The following TJP2 variants were observed in gnomAD, a reference collection of about 807,000 sequenced individuals.
TJP2 encodes the protein Friedreich ataxia region gene X104 (tight junction protein ZO-2).
In TJP2, 91 loss-of-function variants were observed where a neutral mutation model predicts 133.1. The observed-to-expected ratio is 0.68, with a 90% CI of 0.58 to 0.81. The LOEUF (loss-of-function observed/expected upper bound fraction) is 0.81. Ranked by LOEUF, TJP2 falls within the 40% of genes least tolerant of loss-of-function variation. The pLI is 0.00. For synonymous variants in TJP2, 592 were observed against 583.4 expected, an observed-to-expected ratio of 1.01 and a Z score of -0.21; for missense variants, 1,541 against 1,565.6, an observed-to-expected ratio of 0.98 and a Z score of 0.26.
At chr9:69,236,000 T>C (rs1563944999) in intron 12 of TJP2, 28 bp from the exon 13 acceptor site, 2 of 1,607,756 alleles carry the variant, frequency 1.2e-6, no homozygotes, top group Non-Finnish European at 1.7e-6. Context: ...CTAAGCTGAA[T>C]GCAACAAACG....
chr9:69,130,497 C>T (rs73647080), intron 1 of TJP2, among the ~76,000 whole-genome samples: 3,746 of 151,986 alleles, frequency 0.025, 159 homozygotes, highest in African/African-American at 0.085. Flanking sequence ...AGATCTGGGG[C>T]GGGGGCTCAA....
At chr9:69,251,459 G>A in intron 21 of TJP2, 95 bp downstream of exon 21, 1 of 1,346,548 alleles carries the variant, frequency 7.4e-7, no homozygotes, top group East Asian at 2.5e-5. Context: ...TGCTGCAGAT[G>A]TGGCAGGGAT....
At chr9:69,160,331 C>T (rs1332140865) in intron 2 of TJP2, among the ~76,000 whole-genome samples, 1 of 152,196 alleles carries the variant, frequency 6.6e-6, no homozygotes, top group Non-Finnish European at 1.5e-5. Flanking sequence ...AAGCTGAAAG[C>T]TCCCTACATT....
At chr9:69,165,857 A>G (rs1051093013) in intron 2 of TJP2, among the ~76,000 whole-genome samples, 2 of 152,176 alleles carry the variant, frequency 1.3e-5, no homozygotes, top group African/African-American at 4.8e-5. Flanking sequence ...CGTGTGCCAT[A>G]GGATGCTTCT....
intron 6 of TJP2, among the ~76,000 whole-genome samples, 194 bp from the exon 7 acceptor site, chr9:69,225,828 C>T (rs1414512382): frequency 6.6e-6 from 1 of 152,202 alleles, no homozygotes; most frequent in African/African-American, 2.4e-5. Flanking sequence ...GAGTAACTTA[C>T]ACCTGTATTT....
At chr9:69,195,041 A>G (rs1243239612) in intron 1 of TJP2, among the ~76,000 whole-genome samples, 2 of 152,322 alleles carry the variant, frequency 1.3e-5, no homozygotes, top group East Asian at 3.9e-4. Flanking sequence ...CTGGGAGGGA[A>G]CGATTGACCT....
intron 1 of TJP2, among the ~76,000 whole-genome samples, chr9:69,200,227 C>G (rs1287971221): frequency 6.6e-6 from 1 of 152,050 alleles, no homozygotes; most frequent in Non-Finnish European, 1.5e-5. Context: ...GCTGTTCCCT[C>G]TATGCAGAAT....
intron 2 of TJP2, among the ~76,000 whole-genome samples, chr9:69,214,339 G>A (rs754077022): frequency 1.2e-4 from 18 of 152,270 alleles, no homozygotes; most frequent in Non-Finnish European, 2.4e-4. Context: ...ACCCGCCTTG[G>A]CCTCCCGAAG....
intron 1 of TJP2, among the ~76,000 whole-genome samples, chr9:69,192,531 T>C (rs1206411175): frequency 6.6e-6 from 1 of 152,202 alleles, no homozygotes; most frequent in Non-Finnish European, 1.5e-5. Flanking sequence ...GCAAATGCTG[T>C]AGAAGTTCTT....
intron 17 of TJP2, among the ~76,000 whole-genome samples, chr9:69,245,584 A>T (rs1830865960): frequency 6.6e-6 from 1 of 152,192 alleles, no homozygotes. Context: ...GTGGTGGCTG[A>T]GACCATAGGC....
At chr9:69,150,832 A>G (rs1035486366) in intron 1 of TJP2, among the ~76,000 whole-genome samples, 12 of 152,240 alleles carry the variant, frequency 7.9e-5, no homozygotes, top group Non-Finnish European at 1.5e-5. Context: ...ACAAGTGTTC[A>G]TAATGACCAA....
intron 1 of TJP2, among the ~76,000 whole-genome samples, chr9:69,202,923 T>C (rs181758880): frequency 7.6e-4 from 116 of 152,322 alleles, no homozygotes; most frequent in Non-Finnish European, 1.1e-3. Context: ...TTATATATTC[T>C]TCAGCACAAT....
chr9:69,185,249 G>A (rs1587999220), intron 1 of TJP2, among the ~76,000 whole-genome samples: 1 of 151,906 alleles, frequency 6.6e-6, no homozygotes, highest in African/African-American at 2.4e-5. Context: ...TTTAGTAGAG[G>A]CAGGGTTTCA....
intron 1 of TJP2, among the ~76,000 whole-genome samples, chr9:69,206,585 T>A (rs3002384): frequency 0.51 from 77,215 of 151,302 alleles, 20,146 homozygotes; most frequent in East Asian, 0.63. Flanking sequence ...TTAATTTTTT[T>A]ATTTCTTTTT....
rs944476299 is a variant in TJP2 at position 69,246,585 on chromosome 9, A to G, written c.2567-105A>G. 1.1e-5 allele frequency: 11 copies of G among 967,274 alleles called. No homozygotes were observed. The East Asian group carries it at 1.8e-4, about 15-fold the overall frequency. 59.9% of individuals were successfully genotyped at this position (967,274 alleles called of 1,614,324 possible). A position where few individuals can be genotyped will look rare whatever the true frequency, so the allele number is the denominator to read the frequency against. On this transcript the variant is annotated intron_variant, in intron 17 of 22. Transcript: ENST00000377245. ...GTGCAAACATCTTCTTGCGTCTGCC[A>G]TAGTCTTAAATATCACAGAAATGAG...
rs1472343073 is a variant in TJP2 at position 69,221,225 on chromosome 9, C to T, written c.681C>T (p.His227=). Residue 227 remains histidine (H), a synonymous_variant, in exon 5 of 23, where the codon CAC becomes CAT. Coordinates refer to ENST00000377245, the MANE Select transcript of TJP2 (RefSeq NM_004817.4). ...RGRSLERGLD[H]DFGPSRDRDR... is the part of the protein sequence containing the mutation. ...GGAGCCTGGAGCGGGGCCTGGACCA[C>T]GACTTTGGGCCATCCCGGGACCGGG... is the stretch of plus-strand genomic sequence containing the variant. 6.2e-7 allele frequency: 1 copy of T among 1,605,408 alleles called. No homozygotes were observed. Among genetic ancestry groups the T allele is most frequent in the African/African-American group, 1.3e-5 (1 of 74,776 alleles).
intron 1 of TJP2, among the ~76,000 whole-genome samples, chr9:69,192,413 C>G (rs1027100999): frequency 6.6e-6 from 1 of 152,154 alleles, no homozygotes. Flanking sequence ...GTACCAGGAA[C>G]TTGAACTACT....
intron 11 of TJP2, 73 bp downstream of exon 11, chr9:69,230,305 G>C: frequency 6.3e-7 from 1 of 1,595,462 alleles, no homozygotes; most frequent in African/African-American, 1.3e-5. Flanking sequence ...CTTTCTGTAA[G>C]GGAAGACAAA....
chr9:69,198,159 T>TTTTG lies in TJP2; in HGVS notation c.61-14389_61-14388insTTTG, dbSNP rs10674501. ...CCCAATTCTTTTTTTTTTTTTTTTT[T>TTTTG]GAGACTGAGTTTCACTCTGTCACCC... On this transcript the variant is annotated intron_variant, in intron 1 of 22. Coordinates refer to ENST00000377245, the MANE Select transcript of TJP2 (RefSeq NM_004817.4). 1.4e-3 allele frequency among the ~76,000 whole-genome samples: 186 copies of TTTTG among 133,134 alleles called. 9 individuals are homozygous for TTTTG. The highest frequency in any genetic ancestry group is 4.5e-3 in the African/African-American group (166 of 36,966). 87.3% of individuals were successfully genotyped at this position (133,134 alleles called of 152,430 possible).
Sources: allele counts gnomAD v4.1 joint callset (sites outside exome capture counted in the v4.1 genomes callset), GRCh38; gene constraint gnomAD v4.1.1; transcripts MANE v1.5; gene names NCBI Gene and HGNC (gene_info 2026-07-23, HGNC 2026-07-21).